Variants in PLD1 observed in about 807,000 individuals in gnomAD.
PLD1 encodes phospholipase D1, also known as choline phosphatase 1.
Under a neutral mutation model 137.1 loss-of-function variants are expected in PLD1, and 112 were observed. That is an observed-to-expected ratio of 0.82 (90% CI 0.70 to 0.96). PLD1 has a LOEUF of 0.96. PLD1 is among the 40% of genes least tolerant of loss of function. The probability of loss-of-function intolerance (pLI) is 0.00; values close to 1 mark genes in which losing one functional copy is unlikely to be tolerated. For missense variants in PLD1, 1,321 were observed against 1,342.0 expected (o/e 0.98, Z 0.24); for synonymous variants, 431 against 454.7 (o/e 0.95, Z 0.66).
rs138981904 is a variant in PLD1, at chr3:171,737,997, C to A, written c.55G>T (p.Ala19Ser). 6.2e-7 allele frequency: 1 copy of A among 1,613,776 alleles called. No individual in the cohort carries two copies. The highest frequency in any genetic ancestry group is 1.3e-5 in the African/African-American group (1 of 74,912). ...VNTSALQKIAADMSNIIENLD... is the reference protein window; with the variant it reads ...VNTSALQKIASDMSNIIENLD... ...TTTTCTATGATATTACTCATGTCAG[C>A]AGCAATTTTCTGCAGTGCAGAGGTA... The change falls in exon 2 of 27, where the codon GCT becomes TCT. Residue 19 changes from alanine (A) to serine (S), a missense_variant. Coordinates refer to ENST00000351298, the MANE Select transcript of PLD1 (RefSeq NM_002662.5).
intron 23 of PLD1, among the ~76,000 whole-genome samples, chr3:171,630,102 G>A (rs1435061562): frequency 4.9e-4 from 74 of 151,430 alleles, no homozygotes; most frequent in Middle Eastern, 6.8e-3. Flanking sequence ...GAAAATTTTC[G>A]CAACCTACTC....
chr3:171,769,395 C>G (rs1722191719), intron 1 of PLD1, among the ~76,000 whole-genome samples: 1 of 152,196 alleles, frequency 6.6e-6, no homozygotes, highest in Non-Finnish European at 1.5e-5. Context: ...CAGGCAGCTA[C>G]AATCAGGTGG....
intron 6 of PLD1, among the ~76,000 whole-genome samples, chr3:171,727,678 T>C (rs1356253375): frequency 2.0e-5 from 3 of 151,574 alleles, no homozygotes; most frequent in African/African-American, 7.3e-5. Context: ...AGTTACAGAG[T>C]TATAGAATAG....
At chr3:171,804,615 A>G (rs78655312) in intron 1 of PLD1, among the ~76,000 whole-genome samples, 4,246 of 152,340 alleles carry the variant, frequency 0.028, 120 homozygotes, top group African/African-American at 0.071. Flanking sequence ...TGATTCTAAT[A>G]TCACACTACA....
chr3:171,692,195 T>C (rs1715232038), intron 13 of PLD1, 137 bp downstream of exon 13: 1 of 545,182 alleles, frequency 1.8e-6, no homozygotes, highest in Non-Finnish European at 3.3e-6. Flanking sequence ...TTTTGCTTTA[T>C]TTCTGAGGAC....
Position 171,720,582 on chromosome 3 carries a change from C to CA in PLD1, c.758+4113dup, listed in dbSNP as rs759407637. On this transcript the variant is annotated intron_variant, in intron 8 of 26. Coordinates refer to ENST00000351298, the MANE Select transcript of PLD1 (RefSeq NM_002662.5). ...TAGGCGACAGAGCAAGACTCCGTCTCAAAAAAAAAAAAAAGTCTTCCACTG... is the reference window on the plus strand; with the variant it reads ...TAGGCGACAGAGCAAGACTCCGTCTCAAAAAAAAAAAAAAAGTCTTCCACTG... Among the ~76,000 whole-genome samples the CA allele has an allele frequency of 9.7e-3, 1,121 of 115,158 alleles. 10 individuals are homozygous for CA. Among genetic ancestry groups the CA allele is most frequent in the African/African-American group, 0.026 (808 of 31,366 alleles). 75.5% of individuals were successfully genotyped at this position (115,158 alleles called of 152,430 possible).
At chr3:171,618,591 A>G (rs1206089562) in intron 24 of PLD1, among the ~76,000 whole-genome samples, 3 of 152,222 alleles carry the variant, frequency 2.0e-5, no homozygotes, top group East Asian at 1.9e-4. Flanking sequence ...CTCAGGAGAA[A>G]TAAATGAAAT....
chr3:171,762,001 C>T (rs369917991), intron 1 of PLD1, among the ~76,000 whole-genome samples: 1 of 152,216 alleles, frequency 6.6e-6, no homozygotes, highest in African/African-American at 2.4e-5. Flanking sequence ...TTCTTATCAG[C>T]ATTCATTTGA....
chr3:171,695,061 C>T (rs930747849), intron 12 of PLD1, among the ~76,000 whole-genome samples: 1 of 152,140 alleles, frequency 6.6e-6, no homozygotes, highest in African/African-American at 2.4e-5. Context: ...GATAATAAAG[C>T]AATGCATTCT....
chr3:171,696,601 A>C (rs1715717936), intron 12 of PLD1, among the ~76,000 whole-genome samples: 1 of 152,214 alleles, frequency 6.6e-6, no homozygotes, highest in Non-Finnish European at 1.5e-5. Flanking sequence ...TGCAAAAAAC[A>C]AATATTATGT....
chr3:171,784,548 T>A (rs1262782507), intron 1 of PLD1, among the ~76,000 whole-genome samples: 1 of 152,210 alleles, frequency 6.6e-6, no homozygotes, highest in African/African-American at 2.4e-5. Flanking sequence ...CCTGCACACA[T>A]GCCATGTCCC....
At chr3:171,661,933 C>T in intron 20 of PLD1, 127 bp downstream of exon 20, 1 of 558,856 alleles carries the variant, frequency 1.8e-6, no homozygotes, top group African/African-American at 1.9e-5. Context: ...AGAGCTTCTC[C>T]AGCACTTTTC....
chr3:171,779,918 T>C (rs1300044949), intron 1 of PLD1, among the ~76,000 whole-genome samples: 1 of 151,840 alleles, frequency 6.6e-6, no homozygotes, highest in African/African-American at 2.4e-5. Flanking sequence ...GATTCAGGAC[T>C]GGGGTTTGGA....
At chr3:171,643,464 TG>T (rs987499025) in intron 22 of PLD1, among the ~76,000 whole-genome samples, 2 of 152,084 alleles carry the variant, frequency 1.3e-5, no homozygotes. Context: ...ATGCTTCATC[TG>T]CTTGCTCTAT....
intron 19 of PLD1, among the ~76,000 whole-genome samples, chr3:171,672,656 T>G (rs1448887483): frequency 6.6e-6 from 1 of 152,060 alleles, no homozygotes; most frequent in Non-Finnish European, 1.5e-5. Context: ...CCTGGCTAAT[T>G]TTTTAAGAAC....
chr3:171,771,763 G>A (rs1249959952), intron 1 of PLD1, among the ~76,000 whole-genome samples: 1 of 152,200 alleles, frequency 6.6e-6, no homozygotes, highest in Non-Finnish European at 1.5e-5. Context: ...TATCATTTCT[G>A]AGAATCAAAT....
chr3:171,715,647 A>G (rs1474273498), intron 8 of PLD1, among the ~76,000 whole-genome samples: 1 of 151,914 alleles, frequency 6.6e-6, no homozygotes, highest in African/African-American at 2.4e-5. Context: ...TTTACTAGTC[A>G]TTAGATATCA....
At chr3:171,733,225 G>C (rs1719081677) in intron 6 of PLD1, among the ~76,000 whole-genome samples, 1 of 152,194 alleles carries the variant, frequency 6.6e-6, no homozygotes, top group Admixed American at 6.5e-5. Context: ...TATTGTTATA[G>C]ACATATTAAG....
At chr3:171,678,361 C>T (rs1006110269) in intron 16 of PLD1, among the ~76,000 whole-genome samples, 1 of 152,156 alleles carries the variant, frequency 6.6e-6, no homozygotes, top group African/African-American at 2.4e-5. Context: ...TTATATACTT[C>T]AAATCATAGA....
Sources: allele counts gnomAD v4.1 joint callset (sites outside exome capture counted in the v4.1 genomes callset), GRCh38; gene constraint gnomAD v4.1.1; transcripts MANE v1.5; gene names NCBI Gene and HGNC (gene_info 2026-07-23, HGNC 2026-07-21).